OFD1: variants seen among roughly 807,000 people sequenced by gnomAD.
OFD1 encodes OFD1 centriole and centriolar satellite protein, also known as centriole and centriolar satellite protein OFD1.
Under a neutral mutation model 81.4 loss-of-function variants are expected in OFD1, and 12 were observed. The ratio of observed to expected loss-of-function variants is 0.15; its 90% confidence interval spans 0.09 to 0.24. The LOEUF is 0.24. OFD1 is among the 10% of genes least tolerant of loss of function. OFD1 has a pLI of 1.00. For synonymous variants in OFD1, 256 were observed against 263.7 expected, an observed-to-expected ratio of 0.97 and a Z score of 0.28; for missense variants, 685 against 733.9, an observed-to-expected ratio of 0.93 and a Z score of 0.77.
chrX:13,765,268 G>A (rs778706070), intron 19 of OFD1, among the ~76,000 whole-genome samples: 1 of 110,637 alleles, frequency 9.0e-6, no homozygotes, highest in African/African-American at 3.3e-5. Flanking sequence ...TTGTGTCCAA[G>A]AGATTTCTGT....
the OFD1 span, chrX:13,720,136 T>C: frequency 3.0e-6 from 1 of 333,131 alleles, no homozygotes. Context: ...CTAGCGAAGA[T>C]ACGTAGCTTC....
chrX:13,738,736 T>C (rs955066973), intron 3 of OFD1, 110 bp from the exon 4 acceptor site: 1 of 529,296 alleles, frequency 1.9e-6, no homozygotes, highest in Non-Finnish European at 3.2e-6. Context: ...GTTATAATCT[T>C]ATTTAATCTG....
chrX:13,748,341 A>G (rs2047372135), intron 8 of OFD1, among the ~76,000 whole-genome samples: 1 of 112,104 alleles, frequency 8.9e-6, no homozygotes, highest in Non-Finnish European at 1.9e-5. Flanking sequence ...TGGACTGTCC[A>G]TCCCCTTCTC....
At chrX:13,765,238 C>T (rs950402641) in intron 19 of OFD1, among the ~76,000 whole-genome samples, 2 of 110,350 alleles carry the variant, frequency 1.8e-5, no homozygotes, top group Non-Finnish European at 3.8e-5. Context: ...GCCCCGTGGA[C>T]ATGCTTCCTT....
chrX:13,751,418 A>G, intron 10 of OFD1, 50 bp downstream of exon 10: 1 of 1,055,672 alleles, frequency 9.5e-7, no homozygotes, highest in South Asian at 2.0e-5. Context: ...TTAAATTGGT[A>G]GAAACATAAC....
chrX:13,754,545 T>C (rs189636832), intron 11 of OFD1, among the ~76,000 whole-genome samples: 173 of 109,692 alleles, frequency 1.6e-3, no homozygotes, highest in Middle Eastern at 4.7e-3. Context: ...GCCTCCCAAG[T>C]AGCTGGGACT....
At chrX:13,755,699 A>G (rs1272399684) in intron 12 of OFD1, among the ~76,000 whole-genome samples, 1 of 112,293 alleles carries the variant, frequency 8.9e-6, no homozygotes, top group Non-Finnish European at 1.9e-5. Context: ...TATCTTACAG[A>G]TTAAAACAAA....
the OFD1 span, chrX:13,716,355 G>C: frequency 1.7e-6 from 1 of 592,627 alleles, no homozygotes; most frequent in Non-Finnish European, 2.6e-6. Flanking sequence ...TTTAAAATTA[G>C]CTATTAAACA....
At chrX:13,758,973 C>T (rs1008271804) in intron 15 of OFD1, among the ~76,000 whole-genome samples, 2 of 111,334 alleles carry the variant, frequency 1.8e-5, no homozygotes, top group African/African-American at 6.5e-5. Context: ...CCTACTGAGC[C>T]ATGATGAAAA....
chrX:13,734,665 G>A (rs2046776623), upstream of OFD1: 1 of 916,001 alleles, frequency 1.1e-6, no homozygotes, highest in Non-Finnish European at 1.4e-6. Flanking sequence ...GGAGCTTCCG[G>A]CCGGTGCTGG....
intron 5 of OFD1, among the ~76,000 whole-genome samples, chrX:13,743,672 A>AT (rs926034019): frequency 1.8e-5 from 2 of 111,536 alleles, no homozygotes; most frequent in African/African-American, 6.5e-5. Flanking sequence ...TGCATTTATG[A>AT]TTTTGTTCAT....
chrX:13,719,538 A>G, the OFD1 span, among the ~76,000 whole-genome samples: 1 of 112,049 alleles, frequency 8.9e-6, no homozygotes, highest in Non-Finnish European at 1.9e-5. Flanking sequence ...AACATGATTC[A>G]TGAAAACAGC....
At chrX:13,743,262 A>G (rs1010510530) in intron 5 of OFD1, among the ~76,000 whole-genome samples, 2 of 112,660 alleles carry the variant, frequency 1.8e-5, no homozygotes, top group East Asian at 5.5e-4. Context: ...AACACAATCA[A>G]TTGGGATTAT....
At chrX:13,740,749 C>T (rs1336508179) in intron 5 of OFD1, among the ~76,000 whole-genome samples, 3 of 106,498 alleles carry the variant, frequency 2.8e-5, no homozygotes, top group Non-Finnish European at 3.9e-5. Flanking sequence ...GCCAAGATAG[C>T]GCCACTGCAC....
At chrX:13,758,473 T>C (rs2047799196) in intron 15 of OFD1, 25 bp downstream of exon 15, 2 of 864,834 alleles carry the variant, frequency 2.3e-6, no homozygotes, top group Non-Finnish European at 3.4e-6. Context: ...AACCCATAAA[T>C]ATTTTTGTAT....
intron 5 of OFD1, chrX:13,739,309 A>C (rs1602782335): frequency 3.0e-6 from 1 of 328,478 alleles, no homozygotes; most frequent in East Asian, 5.1e-5. Flanking sequence ...AAAAAAAAAA[A>C]AAAAACTAAT....
At chrX:13,718,794 T>C in the OFD1 span, among the ~76,000 whole-genome samples, 1 of 111,811 alleles carries the variant, frequency 8.9e-6, no homozygotes, top group Non-Finnish European at 1.9e-5. Flanking sequence ...GGGAGAAACA[T>C]AGCAAACTTG....
chrX:13,751,356 A>G lies in OFD1; in HGVS notation c.1043A>G (p.Asn348Ser), dbSNP rs2047492977. The G allele has an allele frequency of 2.5e-6, 3 of 1,196,835 alleles. No individual in the cohort carries two copies. Among genetic ancestry groups the G allele is most frequent in the Admixed American group, 2.2e-5 (1 of 45,560 alleles). ...GAGACCTATGACCGAAAGCTCAAGA[A>G]TGAACTTCTAAAGTAATTGTTTAGC... ...FEETYDRKLK[N>S]ELLKYQLELK... is the part of the protein sequence containing the mutation. Residue 348 changes from asparagine to serine, a missense_variant, in exon 10 of 23, where the codon AAT becomes AGT. Coordinates refer to ENST00000340096, the MANE Select transcript of OFD1 (RefSeq NM_003611.3).
intron 11 of OFD1, 176 bp downstream of exon 11, chrX:13,753,617 C>G (rs1453125226): frequency 1.4e-5 from 6 of 428,870 alleles, no homozygotes; most frequent in Non-Finnish European, 2.4e-5. Flanking sequence ...TCTTCACTGC[C>G]TTTTGAGGAA....
Sources: allele counts gnomAD v4.1 joint callset (sites outside exome capture counted in the v4.1 genomes callset), GRCh38; gene constraint gnomAD v4.1.1; transcripts MANE v1.5; gene names NCBI Gene and HGNC (gene_info 2026-07-23, HGNC 2026-07-21).